MTFR1L: variants seen among roughly 807,000 people sequenced by gnomAD.
The protein encoded by MTFR1L is mitochondrial fission regulator 1 like, also known as mitochondrial fission regulator 1-like.
Under a neutral mutation model 27.9 loss-of-function variants are expected in MTFR1L, and 10 were observed. The ratio of observed to expected loss-of-function variants is 0.36; its 90% CI spans 0.22 to 0.61. The LOEUF (loss-of-function observed/expected upper bound fraction) is 0.61, where lower values mean the gene tolerates loss of function less well. Ranked by LOEUF, MTFR1L falls within the 20% of genes least tolerant of loss-of-function variation. The probability of loss-of-function intolerance (pLI) is 0.73; values close to 1 mark genes in which losing one functional copy is unlikely to be tolerated. For missense variants in MTFR1L, 315 were observed against 363.7 expected (o/e 0.87, Z 1.09); for synonymous variants, 151 against 139.4 (o/e 1.08, Z -0.58).
rs377011692 is a variant in MTFR1L, at chr1:25,826,433, C to T, written c.239+22C>T. ...TCAGGTAGTTGAGGCAGTAGCTGGT[C>T]TGCTAAGGAATGGAGAACTTCCCAG... On this transcript the variant is annotated intron_variant, in intron 4 of 6. Coordinates refer to ENST00000374303, the MANE Select transcript of MTFR1L (RefSeq NM_001099625.2). The surrounding 1 kb of genome is among the most constrained non-coding windows in gnomAD (Gnocchi z 4.1). The T allele has an allele frequency of 6.8e-5, 110 of 1,612,054 alleles. No homozygotes were observed. Among genetic ancestry groups the T allele is most frequent in the Middle Eastern group, 6.6e-4 (4 of 6,082 alleles).
intron 3 of MTFR1L, 121 bp downstream of exon 3, chr1:25,823,869 T>G (rs1385807176): frequency 2.4e-6 from 3 of 1,247,008 alleles, no homozygotes; most frequent in East Asian, 5.3e-5. Flanking sequence ...TTATGAAATA[T>G]TTGTTAAATG....
chr1:25,827,200 C>T (rs2048180071), intron 5 of MTFR1L, among the ~76,000 whole-genome samples: 1 of 151,792 alleles, frequency 6.6e-6, no homozygotes, highest in African/African-American at 2.4e-5. Context: ...TGCAGTGGCA[C>T]GATCTTAGTT....
In MTFR1L at chr1:25,826,090, C is replaced by T; in HGVS notation, c.130-212C>T. Reference sequence around the variant, plus strand: ...TCTCAAGCATTCTGCCTGCCTCGGCCTCCCAAATGCTGGGATTACAGGTGT... The same window carrying T: ...TCTCAAGCATTCTGCCTGCCTCGGCTTCCCAAATGCTGGGATTACAGGTGT... On this transcript the variant is annotated intron_variant, in intron 3 of 6. Transcript: ENST00000374303. This position sits in a 1 kb window ranked among gnomAD's most constrained non-coding sequence, Gnocchi z 4.1. 1 of 514,940 alleles carries T rather than the reference C, an allele frequency of 1.9e-6. No homozygotes were observed. The highest frequency in any genetic ancestry group is 3.5e-6 in the Non-Finnish European group (1 of 285,656). The allele number at this position is 514,940 out of a possible 1,614,324, so 31.9% of individuals were successfully genotyped here.
intron 3 of MTFR1L, among the ~76,000 whole-genome samples, chr1:25,823,973 A>G (rs1343925869): frequency 6.6e-6 from 1 of 152,184 alleles, no homozygotes; most frequent in East Asian, 1.9e-4. Flanking sequence ...GACACTGACT[A>G]TTGTGATTTT....
intron 6 of MTFR1L, 70 bp downstream of exon 6, chr1:25,829,900 C>T: frequency 1.6e-6 from 2 of 1,268,894 alleles, no homozygotes; most frequent in South Asian, 1.5e-5. Flanking sequence ...TGTAATGCAA[C>T]ATACTTACAT....
chr1:25,832,398 A>T lies in MTFR1L; in HGVS notation c.*372A>T. 1 of 448,296 alleles carries T rather than the reference A, an allele frequency of 2.2e-6. No individual in the cohort carries two copies. Among genetic ancestry groups the T allele is most frequent in the Non-Finnish European group, 3.8e-6 (1 of 262,924 alleles). The allele number at this position is 448,296 out of a possible 1,614,324, so 27.8% of individuals were successfully genotyped here. A position where few individuals can be genotyped will look rare whatever the true frequency, so the allele number is the denominator to read the frequency against. On this transcript the variant is annotated 3_prime_UTR_variant, in exon 7 of 7. Coordinates refer to ENST00000374303, the MANE Select transcript of MTFR1L (RefSeq NM_001099625.2). ...TGGTCTCACAAGACACTTTGTGCCCAGCTGTCACTCACTCAGCAGCTTCCT... is the reference window on the plus strand; with the variant it reads ...TGGTCTCACAAGACACTTTGTGCCCTGCTGTCACTCACTCAGCAGCTTCCT...
rs1224469067 is a variant in MTFR1L at position 25,826,543 on chromosome 1, G to C, written c.240-72G>C. 2.5e-6 allele frequency: 4 copies of C among 1,593,112 alleles called. No homozygotes were observed. The highest frequency in any genetic ancestry group is 2.2e-5 in the East Asian group (1 of 44,746). ...ACCTTACTATACTACTCTCACAGAA[G>C]TGGGGGAAGGAACCTTAGGAGCACA... On this transcript the variant is annotated intron_variant, in intron 4 of 6. Transcript: ENST00000374303. This position sits in a 1 kb window ranked among gnomAD's most constrained non-coding sequence, Gnocchi z 4.1.
chr1:25,830,067 G>GA (rs1179626928), intron 6 of MTFR1L, among the ~76,000 whole-genome samples: 1 of 152,204 alleles, frequency 6.6e-6, no homozygotes, highest in East Asian at 1.9e-4. Flanking sequence ...GATTTTACAA[G>GA]AAGGCTCATC....
Position 25,829,538 on chromosome 1 carries a change from T to C in MTFR1L, c.481T>C (p.Ser161Pro), listed in dbSNP as rs985943061. Reference sequence around the variant, plus strand: ...GGCTTCATTAACGCCAGATTTCTTATCTCCAGGAAGTTCAAATGTCTCTTC... The same window carrying C: ...GGCTTCATTAACGCCAGATTTCTTACCTCCAGGAAGTTCAAATGTCTCTTC... ...ASASLTPDFL[S>P]PGSSNVSSPL... is the part of the protein sequence containing the mutation. The change falls in exon 6 of 7, where the codon TCT (serine) becomes CCT (proline). Residue 161 changes from serine to proline, a missense_variant. Transcript: ENST00000374303. 1.2e-5 allele frequency: 20 copies of C among 1,613,712 alleles called. No individual in the cohort carries two copies. In the East Asian group the frequency reaches 3.1e-4, roughly 25 times the overall value.
intron 5 of MTFR1L, among the ~76,000 whole-genome samples, chr1:25,828,914 C>CT (rs892800081): frequency 3.3e-5 from 5 of 152,096 alleles, no homozygotes; most frequent in Non-Finnish European, 5.9e-5. Context: ...TTCTTGGCTA[C>CT]TTTTTTGTCA....
rs1322877849 is a variant in MTFR1L, at chr1:25,832,192, G to C, written c.*166G>C. The C allele has an allele frequency of 1.3e-6, 2 of 1,535,928 alleles. No homozygotes were observed. The highest frequency in any genetic ancestry group is 1.7e-6 in the Non-Finnish European group (2 of 1,144,588). ...GAAGAGCTGGATTATATATTTCCCA[G>C]ACTTCAAACCCTAGCAGAAGCTAAG... On this transcript the variant is annotated 3_prime_UTR_variant, in exon 7 of 7. Coordinates refer to ENST00000374303, the MANE Select transcript of MTFR1L (RefSeq NM_001099625.2).
chr1:25,822,748 G>C, intron 1 of MTFR1L: 3 of 538,224 alleles, frequency 5.6e-6, no homozygotes, highest in East Asian at 3.1e-5. Context: ...GGATGGTCTC[G>C]CTCTCCTGAC....
intron 1 of MTFR1L, 103 bp downstream of exon 1, chr1:25,820,132 GTTCCCGCGCGAGTTCT>G (rs1456681449): frequency 2.2e-6 from 1 of 450,352 alleles, no homozygotes; most frequent in South Asian, 1.6e-5. Flanking sequence ...CGCAGCTCCT[GTTCCCGCGCGAGTTCT>G]CGCGGGAGCC....
At chr1:25,823,769 GGA>G (rs1472355063) in intron 3 of MTFR1L, 21 bp downstream of exon 3, 1 of 1,611,874 alleles carries the variant, frequency 6.2e-7, no homozygotes, top group Non-Finnish European at 8.5e-7. Flanking sequence ...TGGAAGGGCA[GGA>G]GAGTAGAGGC....
In MTFR1L at chr1:25,826,721, G is replaced by A. The variant is rs2048173829; in HGVS notation, c.346G>A (p.Ala116Thr). 6.2e-7 allele frequency: 1 copy of A among 1,614,062 alleles called. No individual in the cohort carries two copies. The highest frequency in any genetic ancestry group is 8.5e-7 in the Non-Finnish European group (1 of 1,179,980). The part of the protein sequence containing the change: ...NLRGSEERLL[A>T]LKKPALPALS... ...GCGTGGGTCCGAGGAGAGGCTTCTG[G>A]CCCTGAAGAAGCCAGCTCTGCCAGC... Residue 116 changes from alanine to threonine, a missense_variant, in exon 5 of 7, where the codon GCC becomes ACC. By Grantham distance (58) the Ala-to-Thr change is moderately conservative (BLOSUM62 0). Transcript: ENST00000374303. This position sits in a 1 kb window ranked among gnomAD's most constrained non-coding sequence, Gnocchi z 4.1.
Position 25,832,327 on chromosome 1 carries a change from A to G in MTFR1L, c.*301A>G, listed in dbSNP as rs992646174. On this transcript the variant is annotated 3_prime_UTR_variant, in exon 7 of 7. Transcript: ENST00000374303. ...TCTGGTTTTTCCTTGCCCCTGTGTGAAAATAGGTCCTAAATGACTGACTTC... is the reference window on the plus strand; with the variant it reads ...TCTGGTTTTTCCTTGCCCCTGTGTGGAAATAGGTCCTAAATGACTGACTTC... The G allele has an allele frequency of 1.4e-6, 1 of 716,774 alleles. No individual in the cohort carries two copies. The highest frequency in any genetic ancestry group is 1.8e-5 in the African/African-American group (1 of 56,006). 44.4% of individuals were successfully genotyped at this position (716,774 alleles called of 1,614,324 possible). A position where few individuals can be genotyped will look rare whatever the true frequency, so the allele number is the denominator to read the frequency against.
At chr1:25,827,030 G>C (rs1301240028) in intron 5 of MTFR1L, among the ~76,000 whole-genome samples, 1 of 152,154 alleles carries the variant, frequency 6.6e-6, no homozygotes, top group Admixed American at 6.5e-5. Context: ...GTTTGGTTAA[G>C]AACAAAATAT....
At position 25,831,919 on chromosome 1, in the gene MTFR1L, A is replaced by T. The variant is rs776167327; in HGVS notation, c.774-2A>T. On this transcript the variant is annotated splice_acceptor_variant, in intron 6 of 6. Transcript: ENST00000374303. LOFTEE classifies it high-confidence loss of function. ...GTACTCAAGCTATTATTGTGTCTCT[A>T]GGAACCGGAGTTTATTGAAGGAGGA... 6 of 1,613,424 alleles carry T rather than the reference A, an allele frequency of 3.7e-6. No homozygotes were observed. The highest frequency in any genetic ancestry group is 5.1e-6 in the Non-Finnish European group (6 of 1,179,338).
rs2048063975 is a variant in MTFR1L at position 25,820,020 on chromosome 1, C to G, written c.-96C>G. 3 of 353,502 alleles carry G rather than the reference C, an allele frequency of 8.5e-6. 1 individual carries two copies. Among genetic ancestry groups the G allele is most frequent in the South Asian group, 4.1e-5 (2 of 48,558 alleles). 21.9% of individuals were successfully genotyped at this position (353,502 alleles called of 1,614,324 possible). A position where few individuals can be genotyped will look rare whatever the true frequency, so the allele number is the denominator to read the frequency against. On this transcript the variant is annotated 5_prime_UTR_variant, in exon 1 of 7. Coordinates refer to ENST00000374303, the MANE Select transcript of MTFR1L (RefSeq NM_001099625.2). Reference sequence around the variant, plus strand: ...CGTGAGGTGAGAGAGTCCGGGAGCCCGAGCTTGAGGTGAGAAAGGTTCTAG... The same window carrying G: ...CGTGAGGTGAGAGAGTCCGGGAGCCGGAGCTTGAGGTGAGAAAGGTTCTAG...
Sources: gnomAD v4.1 joint callset for allele counts (sites outside exome capture counted in the v4.1 genomes callset) on GRCh38, gnomAD v4.1.1 for gene constraint, Gnocchi (gnomAD v3.1) non-coding constraint, MANE v1.5 for transcripts, NCBI Gene and HGNC (gene_info 2026-07-23, HGNC 2026-07-21) for gene names.